The following KANK1 variants were observed in gnomAD, a reference collection of about 807,000 sequenced individuals.
The protein encoded by KANK1 is KN motif and ankyrin repeat domains 1.
A neutral mutation model predicts 106.2 loss-of-function variants in KANK1; 109 were observed. That is an observed-to-expected ratio of 1.03 (90% CI 0.88 to 1.20). KANK1 has a LOEUF of 1.20. Ranked by LOEUF, KANK1 falls within the 50% of genes most tolerant of loss-of-function variation. The pLI is 0.00. For missense variants in KANK1, 2,399 were observed against 1,710.7 expected (o/e 1.40, Z -7.10); for synonymous variants, 873 against 652.2 (o/e 1.34, Z -5.16).
intron 1 of KANK1, among the ~76,000 whole-genome samples, chr9:557,617 A>T (rs3739592): frequency 1.1e-4 from 16 of 152,170 alleles, no homozygotes; most frequent in Non-Finnish European, 1.6e-4. Flanking sequence ...TCTCATGGCC[A>T]CAGATAGTAA....
intron 2 of KANK1, among the ~76,000 whole-genome samples, chr9:705,639 C>G (rs1823906246): frequency 1.3e-5 from 2 of 151,414 alleles, no homozygotes; most frequent in South Asian, 4.2e-4. Context: ...CTCTTGTTGC[C>G]CAGGCTGGAG....
chr9:687,030 CTTTTCT>C, intron 2 of KANK1: 4 of 688,592 alleles, frequency 5.8e-6, no homozygotes, highest in Non-Finnish European at 7.1e-6. Flanking sequence ...AATTTCTTTT[CTTTTCT>C]TTTTTTTTAA....
intron 1 of KANK1, among the ~76,000 whole-genome samples, chr9:568,780 C>A (rs373895775): frequency 6.6e-6 from 1 of 152,062 alleles, no homozygotes; most frequent in South Asian, 2.1e-4. Context: ...CCATGCCTGG[C>A]CAAGGTTGAT....
intron 1 of KANK1, among the ~76,000 whole-genome samples, chr9:654,812 TGTGAGAGAGAGAGA>T (rs71314721): frequency 0.3 from 40,769 of 134,370 alleles, 6,715 homozygotes; most frequent in South Asian, 0.47. Context: ...TGTGTGTGTG[TGTGAGAGAGAGAGA>T]GAGAGAGAGA....
At chr9:486,449 C>T (rs2058294469) in intron 3 of KANK1, among the ~76,000 whole-genome samples, 1 of 152,138 alleles carries the variant, frequency 6.6e-6, no homozygotes, top group African/African-American at 2.4e-5. Context: ...CTCATTTAAT[C>T]TTCACAACTG....
At chr9:595,391 C>A (rs950166497) in intron 1 of KANK1, among the ~76,000 whole-genome samples, 1 of 151,946 alleles carries the variant, frequency 6.6e-6, no homozygotes, top group African/African-American at 2.4e-5. Context: ...AGACCTAATG[C>A]CATTGCAGGA....
intron 1 of KANK1, among the ~76,000 whole-genome samples, chr9:583,840 G>C (rs1822780133): frequency 6.6e-6 from 1 of 151,946 alleles, no homozygotes; most frequent in African/African-American, 2.4e-5. Flanking sequence ...ACATGAACAA[G>C]AGTGTAAAAA....
chr9:638,272 C>G (rs1837602169), intron 1 of KANK1, among the ~76,000 whole-genome samples: 1 of 152,110 alleles, frequency 6.6e-6, no homozygotes, highest in African/African-American at 2.4e-5. Flanking sequence ...GCTGAGAAGT[C>G]CAAGATCAGG....
intron 1 of KANK1, among the ~76,000 whole-genome samples, chr9:506,046 T>G (rs1055989960): frequency 3.0e-4 from 46 of 152,204 alleles, no homozygotes; most frequent in African/African-American, 1.1e-3. Flanking sequence ...AAATTTACTC[T>G]TCTAAGGTCA....
intron 1 of KANK1, among the ~76,000 whole-genome samples, chr9:519,575 T>G (rs1421200593): frequency 6.6e-6 from 1 of 151,804 alleles, no homozygotes; most frequent in Admixed American, 6.5e-5. Flanking sequence ...AGCCTAATAC[T>G]GAAAAGCTAA....
intron 3 of KANK1, among the ~76,000 whole-genome samples, chr9:497,175 G>A (rs1250015602): frequency 1.3e-5 from 2 of 151,964 alleles, no homozygotes; most frequent in Non-Finnish European, 2.9e-5. Context: ...TGCAAGTTGT[G>A]ATAAATTAGG....
intron 1 of KANK1, among the ~76,000 whole-genome samples, chr9:560,134 G>C (rs957728835): frequency 6.6e-6 from 1 of 152,214 alleles, no homozygotes; most frequent in East Asian, 1.9e-4. Flanking sequence ...GTGTGGTTAA[G>C]TCAGCATGGG....
intron 2 of KANK1, among the ~76,000 whole-genome samples, chr9:682,899 G>C (rs987859060): frequency 1.3e-5 from 2 of 152,296 alleles, no homozygotes; most frequent in Non-Finnish European, 2.9e-5. Context: ...GCTGCAGTGC[G>C]GTGCACCCCA....
chr9:527,601 G>A (rs2059852121), intron 1 of KANK1, among the ~76,000 whole-genome samples: 1 of 151,592 alleles, frequency 6.6e-6, no homozygotes, highest in Non-Finnish European at 1.5e-5. Context: ...ACACTCGGCT[G>A]CTCTCTGGTC....
At chr9:693,941 T>G (rs1820596192) in intron 2 of KANK1, among the ~76,000 whole-genome samples, 1 of 152,202 alleles carries the variant, frequency 6.6e-6, no homozygotes, top group Non-Finnish European at 1.5e-5. Context: ...TTTGGTCCAG[T>G]GAAAATTTCA....
At chr9:585,445 A>G (rs1302354569) in intron 1 of KANK1, among the ~76,000 whole-genome samples, 10 of 152,248 alleles carry the variant, frequency 6.6e-5, no homozygotes, top group Non-Finnish European at 1.5e-4. Context: ...AGCTCCTTGT[A>G]TCAGCCTCAA....
At chr9:735,045 T>C (rs1238679999) in intron 7 of KANK1, among the ~76,000 whole-genome samples, 6 of 152,178 alleles carry the variant, frequency 3.9e-5, no homozygotes, top group Non-Finnish European at 7.3e-5. Context: ...CGGACATCCT[T>C]TACCCACCCT....
chr9:651,099 T>G (rs897963407), intron 1 of KANK1, among the ~76,000 whole-genome samples: 3 of 152,300 alleles, frequency 2.0e-5, no homozygotes, highest in South Asian at 4.1e-4. Flanking sequence ...AAAGGAGGAA[T>G]TTGGAATCGG....
At chr9:529,099 C>G (rs1054716701) in intron 1 of KANK1, among the ~76,000 whole-genome samples, 2 of 150,208 alleles carry the variant, frequency 1.3e-5, no homozygotes, top group Admixed American at 1.3e-4. Context: ...GTGCCTGGCC[C>G]ATGGCTCAGA....
Sources: gnomAD v4.1 joint callset for allele counts (sites outside exome capture counted in the v4.1 genomes callset) on GRCh38, gnomAD v4.1.1 for gene constraint, MANE v1.5 for transcripts, NCBI Gene and HGNC (gene_info 2026-07-23, HGNC 2026-07-21) for gene names.